BAZ1B: variants seen among roughly 807,000 people sequenced by gnomAD.
BAZ1B encodes the protein bromodomain adjacent to zinc finger domain 1B, also known as tyrosine-protein kinase BAZ1B.
BAZ1B carries 22 observed loss-of-function variants against 153.8 expected under a neutral mutation model. The observed-to-expected ratio is 0.14, with a 90% CI of 0.10 to 0.20. The LOEUF (loss-of-function observed/expected upper bound fraction) is 0.20. BAZ1B is among the 10% of genes least tolerant of loss of function. BAZ1B has a pLI of 1.00. For missense variants in BAZ1B, 1,325 were observed against 1,799.3 expected (o/e 0.74, Z 4.77); for synonymous variants, 676 against 633.4 (o/e 1.07, Z -1.01).
chr7:73,498,878 T>A lies in BAZ1B; in HGVS notation c.370-180A>T, dbSNP rs192175044. Reference sequence around the variant, plus strand: ...TTTCTCAGACTTCTAGGTTGAAATATGACAGCCTAAAAAAATGAAATAAAT... The same window carrying A: ...TTTCTCAGACTTCTAGGTTGAAATAAGACAGCCTAAAAAAATGAAATAAAT... On this transcript the variant is annotated intron_variant, in intron 3 of 19. Transcript: ENST00000339594. Among the ~76,000 whole-genome samples the A allele has an allele frequency of 5.9e-5, 9 of 152,334 alleles. 1 individual carries two copies. The highest frequency in any genetic ancestry group is 3.4e-3 in the Middle Eastern group (1 of 294).
intron 2 of BAZ1B, among the ~76,000 whole-genome samples, chr7:73,509,012 CAA>C (rs782573117): frequency 3.2e-4 from 33 of 104,712 alleles, no homozygotes; most frequent in Admixed American, 3.1e-4. Flanking sequence ...GATTCCATCT[CAA>C]AAAAAAAAAA....
In BAZ1B at chr7:73,492,921, T is replaced by C. The variant is rs782728031; in HGVS notation, c.572A>G (p.Asn191Ser). Residue 191 changes from asparagine to serine, a missense_variant and splice_region_variant, in exon 5 of 20, where the codon AAT (asparagine) becomes AGT (serine). Around this residue, in one of 9 missense-constraint regions of BAZ1B, gnomAD observed 153 missense variants for 204.8 expected, o/e 0.75. Coordinates refer to ENST00000339594, the MANE Select transcript of BAZ1B (RefSeq NM_032408.4). ...TCGTGGCGATCTACGTGCTCTGTCATCTAGTCAAATCATAGAAAATTAGTG... is the reference window on the plus strand; with the variant it reads ...TCGTGGCGATCTACGTGCTCTGTCACCTAGTCAAATCATAGAAAATTAGTG... ...KEDEGRRESINDRARRSPRKL... is the reference protein window; with the variant it reads ...KEDEGRRESISDRARRSPRKL... 1 of 1,575,766 alleles carries C rather than the reference T, an allele frequency of 6.3e-7. No homozygotes were observed. The highest frequency in any genetic ancestry group is 8.6e-7 in the Non-Finnish European group (1 of 1,168,990).
chr7:73,475,697 G>T (rs1405314905), intron 7 of BAZ1B, among the ~76,000 whole-genome samples: 2 of 152,162 alleles, frequency 1.3e-5, no homozygotes, highest in Non-Finnish European at 2.9e-5. Flanking sequence ...CACTTTGGGA[G>T]ACTGAGGCGG....
chr7:73,486,156 G>C (rs546452058), intron 6 of BAZ1B, among the ~76,000 whole-genome samples: 2 of 152,164 alleles, frequency 1.3e-5, no homozygotes, highest in East Asian at 3.9e-4. Context: ...AAATAAGCAA[G>C]GTAGTTCTTA....
intron 9 of BAZ1B, 88 bp downstream of exon 9, chr7:73,469,429 T>C (rs1788712849): frequency 1.3e-6 from 2 of 1,506,594 alleles, no homozygotes; most frequent in African/African-American, 2.8e-5. Context: ...ATTCTGCAAA[T>C]GGAAAACGTG....
rs1554572898 is a variant in BAZ1B at position 73,477,052 on chromosome 7, G to A, written c.2409C>T (p.Ala803=). 2 of 1,613,674 alleles carry A rather than the reference G, an allele frequency of 1.2e-6. No homozygotes were observed. The highest frequency in any genetic ancestry group is 3.3e-5 in the Admixed American group (2 of 59,956). ...AEKQKRKEME[A]KNKENGKVEN... is the part of the protein sequence containing the mutation. ...CAACTTTTCCATTTTCTTTATTTTT[G>A]GCTTCCATTTCTTTCCGTTTCTGTT... Residue 803 remains alanine (A), a synonymous_variant, in exon 7 of 20, where the codon GCC becomes GCT. Coordinates refer to ENST00000339594, the MANE Select transcript of BAZ1B (RefSeq NM_032408.4). The surrounding 1 kb of genome is among the most constrained non-coding windows in gnomAD (Gnocchi z 5.6).
At chr7:73,463,331 A>C (rs1788463708) in intron 11 of BAZ1B, among the ~76,000 whole-genome samples, 1 of 148,102 alleles carries the variant, frequency 6.8e-6, no homozygotes, top group Non-Finnish European at 1.5e-5. Flanking sequence ...TGCACCTTCA[A>C]ACTTCTGGAC....
chr7:73,502,252 C>G (rs898244243), intron 3 of BAZ1B, among the ~76,000 whole-genome samples: 1 of 152,050 alleles, frequency 6.6e-6, no homozygotes, highest in African/African-American at 2.4e-5. Context: ...TTTTCCAGCA[C>G]CCAAAACATG....
intron 10 of BAZ1B, 28 bp downstream of exon 10, chr7:73,466,268 A>C: frequency 1.3e-6 from 2 of 1,499,732 alleles, no homozygotes; most frequent in African/African-American, 1.4e-5. Context: ...GGAAAAAGAA[A>C]GAGCAACCAG....
chr7:73,458,832 TAC>T (rs1390841538), intron 13 of BAZ1B, among the ~76,000 whole-genome samples: 1 of 152,138 alleles, frequency 6.6e-6, no homozygotes, highest in Admixed American at 6.6e-5. Context: ...AGTTCAAGGT[TAC>T]AGTGAGTTAT....
At chr7:73,462,718 T>C (rs1265869439) in intron 12 of BAZ1B, 13 of 583,400 alleles carry the variant, frequency 2.2e-5, no homozygotes, top group South Asian at 4.1e-5. Flanking sequence ...AGCCAATTAC[T>C]AAGTTTTTCT....
intron 3 of BAZ1B, among the ~76,000 whole-genome samples, chr7:73,500,701 T>A (rs1790091589): frequency 1.4e-5 from 2 of 147,764 alleles, no homozygotes; most frequent in East Asian, 2.1e-4. Flanking sequence ...GACCAGCCTG[T>A]CCAACATGGT....
Position 73,478,061 on chromosome 7 carries a change from G to A in BAZ1B, c.1400C>T (p.Pro467Leu), listed in dbSNP as rs782630010. The A allele has an allele frequency of 1.2e-5, 20 of 1,614,014 alleles. 1 individual carries two copies. In the Middle Eastern group the frequency reaches 2.3e-3, roughly 186 times the overall value. Reference protein sequence around the residue: ...SGGTPRTSSKPHKHLPPAALH... With the variant: ...SGGTPRTSSKLHKHLPPAALH... ...GGCTGCAGGAGGCAGATGTTTATGA[G>A]GTTTACTAGAGGTCCTAGGTGTACC... Residue 467 changes from proline (P) to leucine (L), a missense_variant, in exon 7 of 20, where the codon CCT becomes CTT. By Grantham distance (98) the Pro-to-Leu change is moderately conservative. Transcript: ENST00000339594.
At position 73,463,045 on chromosome 7, in the gene BAZ1B, T is replaced by C. The variant is rs781989548; in HGVS notation, c.3126A>G (p.Leu1042=). 4.3e-6 allele frequency: 7 copies of C among 1,613,990 alleles called. No homozygotes were observed. In the African/African-American group the frequency reaches 6.7e-5, roughly 15 times the overall value. The change falls in exon 12 of 20, where the codon CTA becomes CTG. Residue 1042 remains leucine, a synonymous_variant. Coordinates refer to ENST00000339594, the MANE Select transcript of BAZ1B (RefSeq NM_032408.4). ...IHLARKPNLG[L]KSCDGNQELL... ...GCTCCTGGTTGCCATCACAAGATTT[T>C]AGACCCAAATTTGGCTTCCGTGCTA...
In BAZ1B at chr7:73,459,679, C is replaced by T. The variant is rs1429110104; in HGVS notation, c.3289G>A (p.Val1097Met). The T allele has an allele frequency of 1.9e-6, 3 of 1,612,328 alleles. No homozygotes were observed. The highest frequency in any genetic ancestry group is 1.3e-5 in the African/African-American group (1 of 74,836). ...ATGACACTGGCCTGAAGGGCAATCA[C>T]ACACTCACCAAAATCCTTCAATTTC... ...LEKLKDFGECVIALQASVIKK... is the reference protein window; with the variant it reads ...LEKLKDFGECMIALQASVIKK... The change falls in exon 13 of 20, where the codon GTG becomes ATG. Residue 1097 changes from valine (V) to methionine (M), a missense_variant. Physicochemically the swap from Val to Met is conservative, Grantham distance 21 (BLOSUM62 1). Around this residue, in one of 9 missense-constraint regions of BAZ1B, gnomAD observed 431 missense variants for 563.5 expected, o/e 0.76. Coordinates refer to ENST00000339594, the MANE Select transcript of BAZ1B (RefSeq NM_032408.4).
intron 5 of BAZ1B, among the ~76,000 whole-genome samples, chr7:73,491,232 G>T (rs1246389939): frequency 2.0e-5 from 3 of 152,060 alleles, no homozygotes; most frequent in Non-Finnish European, 4.4e-5. Context: ...GCTGTAGTGA[G>T]CCAAGACCGT....
chr7:73,469,310 C>T (rs1788709793), intron 9 of BAZ1B, among the ~76,000 whole-genome samples: 1 of 152,116 alleles, frequency 6.6e-6, no homozygotes, highest in Non-Finnish European at 1.5e-5. Context: ...CATCTTCTCA[C>T]ACTATGCTTA....
In BAZ1B at chr7:73,447,295, CTCCTCCTCCTCTTCT is replaced by C. The variant is rs782355739; in HGVS notation, c.3798_3812del (p.Glu1269_Glu1273del). The C allele has an allele frequency of 5.8e-5, 93 of 1,607,902 alleles. 1 individual carries two copies. The South Asian group carries it at 9.1e-4, about 16-fold the overall frequency. On this transcript the variant is annotated inframe_deletion, in exon 16 of 20. Transcript: ENST00000339594. ...AACCAGCCACCTCATAATCTTCTTC[CTCCTCCTCCTCTTCT>C]TCCTCCTCCTCCTCTTCATCACTCT...
intron 15 of BAZ1B, among the ~76,000 whole-genome samples, chr7:73,449,027 G>A (rs991739458): frequency 3.3e-5 from 5 of 152,116 alleles, no homozygotes; most frequent in South Asian, 2.1e-4. Flanking sequence ...CGGAGACCAC[G>A]GAGAATGGAG....
Sources: allele counts gnomAD v4.1 joint callset (sites outside exome capture counted in the v4.1 genomes callset), GRCh38; gene constraint gnomAD v4.1.1; regional missense constraint gnomAD v4.1.1; non-coding constraint Gnocchi (gnomAD v3.1); transcripts MANE v1.5; gene names NCBI Gene and HGNC (gene_info 2026-07-23, HGNC 2026-07-21).